Variants in TENM2 observed in about 807,000 individuals in gnomAD.
The protein encoded by TENM2 is teneurin-2.
In TENM2, 52 loss-of-function variants were observed where a neutral mutation model predicts 245.2. The ratio of observed to expected loss-of-function variants is 0.21; its 90% CI spans 0.17 to 0.27. The LOEUF is 0.27. TENM2 is among the 10% of genes least tolerant of loss of function. The pLI is 1.00. For synonymous variants in TENM2, 1,363 were observed against 1,438.9 expected (o/e 0.95, Z 1.19); for missense variants, 3,046 against 3,666.8 (o/e 0.83, Z 4.37).
rs572783608 is a variant in TENM2, at chr5:167,925,029, AC to A, written c.713-27553del. ...CCAACAATCCCACTCATCAGTATTGACCCCCCAAATAAAAATATATGTTCAA... is the reference window on the plus strand; with the variant it reads ...CCAACAATCCCACTCATCAGTATTGACCCCCAAATAAAAATATATGTTCAA... On this transcript the variant is annotated intron_variant, in intron 3 of 28. Coordinates refer to ENST00000518659, the Ensembl canonical transcript of TENM2. 9.2e-5 allele frequency among the ~76,000 whole-genome samples: 14 copies of A among 152,122 alleles called. No homozygotes were observed. The East Asian group carries it at 1.5e-3, about 17-fold the overall frequency.
At chr5:167,801,110 ATATATATATATATATATATATAT>A (rs1160108839) in intron 2 of TENM2, among the ~76,000 whole-genome samples, 3 of 62,566 alleles carry the variant, frequency 4.8e-5, no homozygotes, top group Admixed American at 2.2e-4. Flanking sequence ...AAAAAAAAAA[ATATATATATATATATATATATAT>A]ATATATATAT....
the TENM2 span, among the ~76,000 whole-genome samples, chr5:167,220,461 G>A: frequency 3.4e-4 from 51 of 152,238 alleles, 1 homozygote; most frequent in Middle Eastern, 0.01. Context: ...GCCAAAACAA[G>A]GACATAGCTC....
rs761614775 is a variant in TENM2, at chr5:167,746,710, A to AGAGAGAGAGAGAGAGAGAGAGAGC, written c.503-129271_503-129270insAGAGAGAGAGAGAGAGAGCGAGAG. 7.9e-3 allele frequency among the ~76,000 whole-genome samples: 1,140 copies of AGAGAGAGAGAGAGAGAGAGAGAGC among 144,730 alleles called. 17 individuals carry two copies. Among genetic ancestry groups the AGAGAGAGAGAGAGAGAGAGAGAGC allele is most frequent in the Non-Finnish European group, 0.011 (721 of 65,936 alleles). 94.9% of individuals were successfully genotyped at this position (144,730 alleles called of 152,430 possible). ...GAGAGAGAGAGAGAGAGAGAGAGAG[A>AGAGAGAGAGAGAGAGAGAGAGAGC]GAGAGCTGGACTCTACACAATTAGT... On this transcript the variant is annotated intron_variant, in intron 2 of 28. Transcript: ENST00000518659.
chr5:167,755,351 C>A (rs527707563), intron 2 of TENM2, among the ~76,000 whole-genome samples: 32 of 151,846 alleles, frequency 2.1e-4, no homozygotes, highest in Admixed American at 4.6e-4. Flanking sequence ...GTTGTCTTAA[C>A]AGTAGTTGTG....
chr5:168,249,931 A>G (rs1766947592), intron 27 of TENM2, among the ~76,000 whole-genome samples: 1 of 152,174 alleles, frequency 6.6e-6, no homozygotes, highest in Non-Finnish European at 1.5e-5. Flanking sequence ...CCATCCATTC[A>G]CCCATTCAAC....
At chr5:168,139,465 CTT>C in intron 12 of TENM2, 1 of 456,314 alleles carries the variant, frequency 2.2e-6, no homozygotes, top group Non-Finnish European at 4.4e-6. Flanking sequence ...AGTAGGAAAA[CTT>C]TGAGCTTTTA....
chr5:167,463,346 C>T lies in TENM2; in HGVS notation c.502+87873C>T, dbSNP rs1251960442. On this transcript the variant is annotated intron_variant, in intron 2 of 28. Transcript: ENST00000518659. Reference sequence around the variant, plus strand: ...TTATTATTTCATTCTGGACCATCTTCGTCAGATGGTTTGTGACCATTGTCA... The same window carrying T: ...TTATTATTTCATTCTGGACCATCTTTGTCAGATGGTTTGTGACCATTGTCA... Among the ~76,000 whole-genome samples, 3 of 152,256 alleles carry T rather than the reference C, an allele frequency of 2.0e-5. 1 individual carries two copies. The highest frequency in any genetic ancestry group is 4.1e-4 in the South Asian group (2 of 4,824).
intron 1 of TENM2, among the ~76,000 whole-genome samples, chr5:167,341,814 A>C (rs1758116228): frequency 6.6e-6 from 1 of 152,206 alleles, no homozygotes; most frequent in Non-Finnish European, 1.5e-5. Flanking sequence ...CAGTTGGGAC[A>C]TTATTTGGCC....
chr5:167,435,153 TG>T (rs71591180), intron 2 of TENM2, among the ~76,000 whole-genome samples: 30,096 of 152,000 alleles, frequency 0.2, 3,209 homozygotes, highest in Middle Eastern at 0.26. Context: ...AGTAGTTTCA[TG>T]GGGGGGAAAG....
the TENM2 span, among the ~76,000 whole-genome samples, chr5:167,187,130 G>A: frequency 1.3e-5 from 2 of 152,218 alleles, no homozygotes; most frequent in East Asian, 3.9e-4. Context: ...GCAGTCATAA[G>A]AGATTGGTTC....
intron 2 of TENM2, among the ~76,000 whole-genome samples, chr5:167,640,870 TATATATATA>T (rs1779534402): frequency 2.5e-5 from 1 of 40,414 alleles, no homozygotes; most frequent in Non-Finnish European, 3.9e-5. Context: ...CATATATATA[TATATATATA>T]TATATATATA....
chr5:167,317,636 A>G (rs1457565587), intron 1 of TENM2, among the ~76,000 whole-genome samples: 4 of 152,326 alleles, frequency 2.6e-5, no homozygotes, highest in East Asian at 3.9e-4. Context: ...TATTGCCAAT[A>G]TCACTGAATT....
chr5:167,798,390 A>G (rs554531998), intron 2 of TENM2, among the ~76,000 whole-genome samples: 2 of 152,366 alleles, frequency 1.3e-5, no homozygotes, highest in South Asian at 4.1e-4. Context: ...AGCCCACAGC[A>G]GAGAGCAAGT....
intron 2 of TENM2, among the ~76,000 whole-genome samples, chr5:167,386,866 A>G (rs575438189): frequency 6.6e-6 from 1 of 152,074 alleles, no homozygotes; most frequent in East Asian, 1.9e-4. Context: ...TCCCATTTTT[A>G]TATACCTATT....
intron 2 of TENM2, among the ~76,000 whole-genome samples, chr5:167,682,993 C>G (rs1227667078): frequency 6.6e-6 from 1 of 152,124 alleles, no homozygotes; most frequent in African/African-American, 2.4e-5. Context: ...CCAGGAAAAA[C>G]TTTCAAATTA....
intron 3 of TENM2, among the ~76,000 whole-genome samples, chr5:167,926,355 T>C (rs1008576424): frequency 4.6e-5 from 7 of 152,160 alleles, no homozygotes; most frequent in African/African-American, 1.7e-4. Flanking sequence ...GATTTCTATA[T>C]GTAAACTTCC....
chr5:168,073,090 C>T (rs558860639), intron 7 of TENM2, among the ~76,000 whole-genome samples: 2 of 152,274 alleles, frequency 1.3e-5, no homozygotes, highest in Admixed American at 6.5e-5. Flanking sequence ...AGCCCAAGCA[C>T]AGCTCTTCAT....
the TENM2 span, among the ~76,000 whole-genome samples, chr5:167,139,294 A>C: frequency 6.6e-6 from 1 of 152,238 alleles, no homozygotes; most frequent in South Asian, 2.1e-4. Flanking sequence ...TCACTGATAC[A>C]TAGAAGAAGG....
intron 2 of TENM2, among the ~76,000 whole-genome samples, chr5:167,607,021 C>G (rs186938572): frequency 6.6e-6 from 1 of 152,040 alleles, no homozygotes; most frequent in South Asian, 2.1e-4. Flanking sequence ...ATCAGGAAGG[C>G]AATCCAGCAA....
Sources: gnomAD v4.1 joint callset for allele counts (sites outside exome capture counted in the v4.1 genomes callset) on GRCh38, gnomAD v4.1.1 for gene constraint, MANE v1.5 for transcripts, NCBI Gene and HGNC (gene_info 2026-07-23, HGNC 2026-07-21) for gene names.